Variants in DMC1 observed in about 807,000 individuals in gnomAD.
The protein encoded by DMC1 is meiotic recombination protein DMC1 homolog.
In DMC1, 27 loss-of-function variants were observed where a neutral mutation model predicts 50.1. That is an observed-to-expected ratio of 0.54 (90% CI 0.40 to 0.74). The LOEUF is 0.74. Among genes scored for constraint, DMC1 ranks in the 30% least tolerant of loss-of-function variants. DMC1 has a pLI of 0.00. For missense variants in DMC1, 295 were observed against 420.2 expected (o/e 0.70, Z 2.60); for synonymous variants, 148 against 136.1 (o/e 1.09, Z -0.61).
Position 38,542,886 on chromosome 22 carries a change from C to G in DMC1, c.495-3474G>C, listed in dbSNP as rs146759360. On this transcript the variant is annotated intron_variant, in intron 8 of 13. Transcript: ENST00000216024. ...GACCAATGGAACAGAATATAAAACT[C>G]AGAAACAAATCCACACACCTACAGT... 4.7e-4 allele frequency among the ~76,000 whole-genome samples: 71 copies of G among 152,218 alleles called. 1 individual carries two copies. The highest frequency in any genetic ancestry group is 1.4e-3 in the African/African-American group (60 of 41,548).
chr22:38,526,126 T>A (rs2145795763), intron 12 of DMC1, among the ~76,000 whole-genome samples: 1 of 152,246 alleles, frequency 6.6e-6, no homozygotes, highest in East Asian at 1.9e-4. Flanking sequence ...TTGTTTGATA[T>A]AATCCATAGG....
At chr22:38,509,444 A>T in the DMC1 span, among the ~76,000 whole-genome samples, 1 of 152,154 alleles carries the variant, frequency 6.6e-6, no homozygotes, top group African/African-American at 2.4e-5. Flanking sequence ...TTTTCACGTA[A>T]GATAAAATAA....
At chr22:38,517,177 C>T (rs1314184318), downstream of DMC1, among the ~76,000 whole-genome samples, 2 of 152,164 alleles carry the variant, frequency 1.3e-5, no homozygotes, top group East Asian at 1.9e-4. Context: ...AGTTAGTTTG[C>T]GCATCAAAGG....
intron 5 of DMC1, among the ~76,000 whole-genome samples, chr22:38,558,151 A>AGGGTGATCCTGTCTTTAGTAGAGACC (rs2090488690): frequency 6.6e-6 from 1 of 150,908 alleles, no homozygotes; most frequent in Non-Finnish European, 1.5e-5. Flanking sequence ...TAGTAGAGAC[A>AGGGTGATCCTGTCTTTAGTAGAGACC]GGGTGATCCT....
intron 6 of DMC1, among the ~76,000 whole-genome samples, chr22:38,553,255 T>C (rs1008495201): frequency 6.6e-6 from 1 of 150,792 alleles, no homozygotes; most frequent in East Asian, 2.0e-4. Context: ...TCCCAGCACT[T>C]TGGGAGGCTG....
At position 38,538,524 on chromosome 22, in the gene DMC1, T is replaced by C; in HGVS notation, c.660+15A>G. ...GCTAAATAGCTCTGTGAAAGCAATATTTAAAAGCTTGTACCAATAGCTTGA... is the reference window on the plus strand; with the variant it reads ...GCTAAATAGCTCTGTGAAAGCAATACTTAAAAGCTTGTACCAATAGCTTGA... On this transcript the variant is annotated intron_variant, in intron 10 of 13. Coordinates refer to ENST00000216024, the MANE Select transcript of DMC1 (RefSeq NM_007068.4). 6.2e-7 allele frequency: 1 copy of C among 1,613,422 alleles called. No homozygotes were observed. Among genetic ancestry groups the C allele is most frequent in the Non-Finnish European group, 8.5e-7 (1 of 1,179,374 alleles).
chr22:38,553,454 C>T (rs1282605890), intron 6 of DMC1, among the ~76,000 whole-genome samples: 8 of 145,702 alleles, frequency 5.5e-5, no homozygotes, highest in Admixed American at 1.4e-4. Flanking sequence ...GCCGAGATCG[C>T]GCCACTGCAC....
intron 5 of DMC1, among the ~76,000 whole-genome samples, chr22:38,556,707 TGG>T (rs2145970903): frequency 6.6e-6 from 1 of 152,326 alleles, no homozygotes; most frequent in East Asian, 1.9e-4. Context: ...TGCTAAGACC[TGG>T]TAGGGGCACT....
chr22:38,541,314 T>C (rs1450048413), intron 8 of DMC1, among the ~76,000 whole-genome samples: 1 of 152,194 alleles, frequency 6.6e-6, no homozygotes, highest in African/African-American at 2.4e-5. Flanking sequence ...TTTTTTGAGA[T>C]GGAGTCTCAC....
At chr22:38,560,853 C>G (rs2090519749) in intron 5 of DMC1, among the ~76,000 whole-genome samples, 1 of 151,982 alleles carries the variant, frequency 6.6e-6, no homozygotes, top group Non-Finnish European at 1.5e-5. Flanking sequence ...AACCATTTAC[C>G]TCCCTTCCCA....
chr22:38,522,905 GAGGTT>G (rs2090044911), intron 12 of DMC1, among the ~76,000 whole-genome samples: 1 of 152,114 alleles, frequency 6.6e-6, no homozygotes, highest in Non-Finnish European at 1.5e-5. Context: ...AAATGGCTCA[GAGGTT>G]AGGACCAGAA....
At chr22:38,551,078 T>C (rs1335580422) in intron 7 of DMC1, among the ~76,000 whole-genome samples, 1 of 150,506 alleles carries the variant, frequency 6.6e-6, no homozygotes. Flanking sequence ...CCATCTCTAC[T>C]GAAAATACAA....
the DMC1 span, among the ~76,000 whole-genome samples, chr22:38,513,302 C>T: frequency 3.3e-5 from 5 of 152,352 alleles, no homozygotes; most frequent in Non-Finnish European, 7.4e-5. Context: ...CTAACCCCTG[C>T]TGTCATCCTT....
rs757107730 is a variant in DMC1, at chr22:38,521,590, A to ACACAC, written c.953+17_953+18insGTGTG. 8.3e-5 allele frequency: 119 copies of ACACAC among 1,426,194 alleles called. No homozygotes were observed. The highest frequency in any genetic ancestry group is 1.1e-4 in the Non-Finnish European group (110 of 1,025,766). The allele number at this position is 1,426,194 out of a possible 1,614,324, so 88.3% of individuals were successfully genotyped here. ...ACACACACACACACACACACACACA[A>ACACAC]AATAAAAAAAAATTTACCTGTCATA... On this transcript the variant is annotated intron_variant, in intron 13 of 13. Coordinates refer to ENST00000216024, the MANE Select transcript of DMC1 (RefSeq NM_007068.4).
chr22:38,564,812 C>T (rs1479145479), intron 4 of DMC1, among the ~76,000 whole-genome samples: 1 of 152,128 alleles, frequency 6.6e-6, no homozygotes, highest in African/African-American at 2.4e-5. Context: ...GGGCTTTCTT[C>T]AACACCCTGG....
In DMC1 at chr22:38,521,480, G is replaced by T. The variant is rs1378303070; in HGVS notation, c.953+128C>A. 7 of 652,884 alleles carry T rather than the reference G, an allele frequency of 1.1e-5. No individual in the cohort carries two copies. The African/African-American group carries it at 1.3e-4, about 12-fold the overall frequency. 40.4% of individuals were successfully genotyped at this position (652,884 alleles called of 1,614,324 possible). On this transcript the variant is annotated intron_variant, in intron 13 of 13. Coordinates refer to ENST00000216024, the MANE Select transcript of DMC1 (RefSeq NM_007068.4). ...GCACTTTGGGAGCCCAAGGTGGGAGGATTGCTTGAGCCTAGGAGTTTGAGA... is the reference window on the plus strand; with the variant it reads ...GCACTTTGGGAGCCCAAGGTGGGAGTATTGCTTGAGCCTAGGAGTTTGAGA...
chr22:38,542,864 C>G (rs143118313), intron 8 of DMC1, among the ~76,000 whole-genome samples: 118 of 152,152 alleles, frequency 7.8e-4, no homozygotes, highest in Admixed American at 1.4e-3. Flanking sequence ...ATGCATAGAC[C>G]AATGGAACAG....
At chr22:38,515,167 G>A (rs1159439441), downstream of DMC1, among the ~76,000 whole-genome samples, 1 of 150,534 alleles carries the variant, frequency 6.6e-6, no homozygotes, top group Admixed American at 6.6e-5. Flanking sequence ...TGCCTAGCCT[G>A]AAGGCAAGTT....
chr22:38,542,534 T>C (rs972138253), intron 8 of DMC1, among the ~76,000 whole-genome samples: 1 of 152,066 alleles, frequency 6.6e-6, no homozygotes, highest in Non-Finnish European at 1.5e-5. Flanking sequence ...CTATAAAACA[T>C]TGATGAAATA....
Sources: allele counts gnomAD v4.1 joint callset (sites outside exome capture counted in the v4.1 genomes callset), GRCh38; gene constraint gnomAD v4.1.1; transcripts MANE v1.5; gene names NCBI Gene and HGNC (gene_info 2026-07-23, HGNC 2026-07-21).